Variants in ABI1 observed in about 807,000 individuals in gnomAD.
ABI1 encodes Abelson interactor 1.
ABI1 carries 14 observed loss-of-function variants against 54.6 expected under a neutral mutation model. The observed-to-expected ratio is 0.26, with a 90% confidence interval of 0.17 to 0.40. The LOEUF (loss-of-function observed/expected upper bound fraction) is 0.40, where lower values mean the gene tolerates loss of function less well. Ranked by LOEUF, ABI1 falls within the 10% of genes least tolerant of loss-of-function variation. The pLI is 1.00. For synonymous variants in ABI1, 194 were observed against 209.3 expected, an observed-to-expected ratio of 0.93 and a Z score of 0.63; for missense variants, 443 against 598.3, an observed-to-expected ratio of 0.74 and a Z score of 2.71.
At chr10:26,762,504 G>A (rs1464135741) in intron 7 of ABI1, among the ~76,000 whole-genome samples, 3 of 151,990 alleles carry the variant, frequency 2.0e-5, no homozygotes, top group Non-Finnish European at 4.4e-5. Context: ...TTGGTCTTAG[G>A]GTCCACTCTT....
chr10:26,818,301 C>T (rs1321225023), intron 2 of ABI1, among the ~76,000 whole-genome samples: 1 of 149,550 alleles, frequency 6.7e-6, no homozygotes, highest in Non-Finnish European at 1.5e-5. Context: ...TATTAAATCT[C>T]ATTCAAAGCT....
chr10:26,829,717 G>A (rs912722582), intron 1 of ABI1, among the ~76,000 whole-genome samples: 1 of 152,050 alleles, frequency 6.6e-6, no homozygotes, highest in Non-Finnish European at 1.5e-5. Context: ...CACACAAAAT[G>A]TTTACATTTA....
At chr10:26,854,730 T>C (rs575047411) in intron 1 of ABI1, among the ~76,000 whole-genome samples, 6 of 152,354 alleles carry the variant, frequency 3.9e-5, no homozygotes, top group Non-Finnish European at 7.3e-5. Flanking sequence ...CAGTCTATCC[T>C]CATCTCCTGA....
intron 1 of ABI1, among the ~76,000 whole-genome samples, chr10:26,846,051 A>G (rs372385561): frequency 1.3e-5 from 2 of 151,684 alleles, no homozygotes; most frequent in East Asian, 3.9e-4. Context: ...TGAGGCAGAG[A>G]GACTTGCTTG....
At chr10:26,823,410 A>T (rs1278634872) in intron 1 of ABI1, 105 bp from the exon 2 acceptor site, 34 of 918,398 alleles carry the variant, frequency 3.7e-5, no homozygotes, top group Non-Finnish European at 4.6e-5. Context: ...GAAATTCAAT[A>T]AAAAAAAACT....
intron 1 of ABI1, among the ~76,000 whole-genome samples, chr10:26,857,320 CAAAAAAAAAA>C (rs71403897): frequency 4.0e-5 from 3 of 75,904 alleles, no homozygotes; most frequent in Non-Finnish European, 9.3e-5. Context: ...GACTCCATCT[CAAAAAAAAAA>C]AAAAAAAAAA....
In ABI1 at chr10:26,788,718, C is replaced by T. The variant is rs572360569; in HGVS notation, c.286-11477G>A. On this transcript the variant is annotated intron_variant, in intron 2 of 10. Transcript: ENST00000376140. ...ACGAGGTCAGGAGATCGAGACTATCCTGGCTAACACAGTGAAACCCCGTCT... is the reference window on the plus strand; with the variant it reads ...ACGAGGTCAGGAGATCGAGACTATCTTGGCTAACACAGTGAAACCCCGTCT... 1.8e-3 allele frequency among the ~76,000 whole-genome samples: 275 copies of T among 152,102 alleles called. 2 individuals are homozygous for T. Among genetic ancestry groups the T allele is most frequent in the Admixed American group, 3.7e-3 (57 of 15,278 alleles).
intron 8 of ABI1, among the ~76,000 whole-genome samples, chr10:26,758,810 G>A (rs1998632): frequency 0.6 from 90,585 of 152,072 alleles, 29,710 homozygotes; most frequent in African/African-American, 0.89. Context: ...GTTAAATTTT[G>A]GTATACTCAA....
intron 1 of ABI1, among the ~76,000 whole-genome samples, chr10:26,853,789 G>A (rs182871566): frequency 2.0e-5 from 3 of 152,004 alleles, no homozygotes; most frequent in East Asian, 3.9e-4. Flanking sequence ...TGATCCGCCC[G>A]CCTCATCCTC....
At chr10:26,818,113 G>A (rs1404795968) in intron 2 of ABI1, among the ~76,000 whole-genome samples, 3 of 122,676 alleles carry the variant, frequency 2.4e-5, no homozygotes, top group Non-Finnish European at 4.8e-5. Flanking sequence ...GAGCCAAGAT[G>A]GTGCCACTGC....
At chr10:26,840,894 C>T (rs2134057393) in intron 1 of ABI1, among the ~76,000 whole-genome samples, 1 of 152,270 alleles carries the variant, frequency 6.6e-6, no homozygotes, top group African/African-American at 2.4e-5. Context: ...ATGGGCCACA[C>T]CAATACAGTT....
At chr10:26,806,204 A>G (rs1326766070) in intron 2 of ABI1, among the ~76,000 whole-genome samples, 1 of 152,200 alleles carries the variant, frequency 6.6e-6, no homozygotes, top group Non-Finnish European at 1.5e-5. Flanking sequence ...CTTGCACTGC[A>G]GAAGCTAAAA....
Position 26,857,622 on chromosome 10 carries a change from C to A in ABI1, c.117+3125G>T, listed in dbSNP as rs139366792. On this transcript the variant is annotated intron_variant, in intron 1 of 10. Coordinates refer to ENST00000376140, the MANE Select transcript of ABI1 (RefSeq NM_001012750.3). ...TGGCATCACTGCACTCCAGCCTGAG[C>A]AACAGAGCAAGACTGTGTCTCAAAA... Among the ~76,000 whole-genome samples, 219 of 128,580 alleles carry A rather than the reference C, an allele frequency of 1.7e-3. 1 individual carries two copies. Among genetic ancestry groups the A allele is most frequent in the African/African-American group, 6.1e-3 (207 of 33,760 alleles). 84.4% of individuals were successfully genotyped at this position (128,580 alleles called of 152,430 possible). A position where few individuals can be genotyped will look rare whatever the true frequency, so the allele number is the denominator to read the frequency against.
At chr10:26,770,373 T>G in intron 4 of ABI1, 28 bp from the exon 5 acceptor site, 1 of 1,585,194 alleles carries the variant, frequency 6.3e-7, no homozygotes, top group South Asian at 1.1e-5. Context: ...ATGCTTTTAT[T>G]TTTATATCAA....
At chr10:26,780,257 C>T (rs756250900) in intron 2 of ABI1, among the ~76,000 whole-genome samples, 16 of 152,070 alleles carry the variant, frequency 1.1e-4, no homozygotes, top group Admixed American at 9.8e-4. Flanking sequence ...GACAAGGTCT[C>T]GCTCTGTCAC....
At chr10:26,837,741 A>G (rs1007429510) in intron 1 of ABI1, among the ~76,000 whole-genome samples, 1 of 151,978 alleles carries the variant, frequency 6.6e-6, no homozygotes, top group East Asian at 1.9e-4. Context: ...CGGCCTCTTC[A>G]GTAGCTGGGA....
intron 7 of ABI1, chr10:26,764,090 G>T: frequency 1.7e-6 from 1 of 587,764 alleles, no homozygotes; most frequent in Non-Finnish European, 2.8e-6. Flanking sequence ...ATGCTCAAAT[G>T]AGTATGAATT....
chr10:26,749,703 G>A (rs565855669), intron 10 of ABI1, among the ~76,000 whole-genome samples: 1 of 152,238 alleles, frequency 6.6e-6, no homozygotes, highest in South Asian at 2.1e-4. Context: ...AAACTGCTAT[G>A]GAAAGAGAAA....
At chr10:26,837,676 A>C (rs577814932) in intron 1 of ABI1, among the ~76,000 whole-genome samples, 1 of 152,278 alleles carries the variant, frequency 6.6e-6, no homozygotes, top group South Asian at 2.1e-4. Context: ...CAGTGGTGCA[A>C]TCCATCTCAG....
Sources: allele counts gnomAD v4.1 joint callset (sites outside exome capture counted in the v4.1 genomes callset), GRCh38; gene constraint gnomAD v4.1.1; transcripts MANE v1.5; gene names NCBI Gene and HGNC (gene_info 2026-07-23, HGNC 2026-07-21).